Variants in PRKD1 observed in about 807,000 individuals in gnomAD.
The protein encoded by PRKD1 is serine/threonine-protein kinase D1.
A neutral mutation model predicts 95.9 loss-of-function variants in PRKD1; 63 were observed. The observed-to-expected ratio is 0.66, with a 90% CI of 0.54 to 0.81. The LOEUF (loss-of-function observed/expected upper bound fraction) is 0.81, where lower values mean the gene tolerates loss of function less well. Ranked by LOEUF, PRKD1 falls within the 30% of genes least tolerant of loss-of-function variation. The pLI is 0.00. For missense variants in PRKD1, 1,048 were observed against 1,165.3 expected, an observed-to-expected ratio of 0.90 and a Z score of 1.47; for synonymous variants, 425 against 423.1, an observed-to-expected ratio of 1.00 and a Z score of -0.05.
In PRKD1 at chr14:29,814,970, C is replaced by T. The variant is rs147906358; in HGVS notation, c.265-89296G>A. Among the ~76,000 whole-genome samples, 418 of 152,220 alleles carry T rather than the reference C, an allele frequency of 2.7e-3. 2 individuals are homozygous for T. The highest frequency in any genetic ancestry group is 0.014 in the Middle Eastern group (4 of 294). On this transcript the variant is annotated intron_variant, in intron 1 of 17. Transcript: ENST00000331968. ...GTCTAAAGGAAGATGACAGAATGCACGTATTAACATAGATGAACAAACCCA... is the reference window on the plus strand; with the variant it reads ...GTCTAAAGGAAGATGACAGAATGCATGTATTAACATAGATGAACAAACCCA...
chr14:29,760,685 G>A (rs1887938000), intron 1 of PRKD1, among the ~76,000 whole-genome samples: 2 of 152,082 alleles, frequency 1.3e-5, no homozygotes, highest in East Asian at 2.0e-4. Context: ...CAGTTAAAAT[G>A]CATATTAATG....
At chr14:29,741,591 T>C (rs45556532) in intron 1 of PRKD1, among the ~76,000 whole-genome samples, 5 of 152,226 alleles carry the variant, frequency 3.3e-5, no homozygotes, top group East Asian at 1.9e-4. Context: ...CACTCTGTTC[T>C]AGTTAAAAAA....
chr14:29,704,615 T>C (rs1470433292), intron 2 of PRKD1, among the ~76,000 whole-genome samples: 1 of 152,032 alleles, frequency 6.6e-6, no homozygotes, highest in Non-Finnish European at 1.5e-5. Flanking sequence ...CCAATTTCAA[T>C]GTTGTTTCAA....
At chr14:29,824,783 C>A (rs1891045749) in intron 1 of PRKD1, among the ~76,000 whole-genome samples, 1 of 152,160 alleles carries the variant, frequency 6.6e-6, no homozygotes, top group Middle Eastern at 3.4e-3. Flanking sequence ...GTTATGAAAT[C>A]GGCCATATGA....
chr14:29,744,308 C>T (rs2139441246), intron 1 of PRKD1, among the ~76,000 whole-genome samples: 1 of 152,308 alleles, frequency 6.6e-6, no homozygotes, highest in East Asian at 1.9e-4. Context: ...GTTAGAAACC[C>T]TGGATTTATC....
chr14:29,676,192 T>TTTTTTTTTTTTTTTTTTTTTTTTTTTTG (rs1566532348), intron 2 of PRKD1, among the ~76,000 whole-genome samples: 2 of 128,560 alleles, frequency 1.6e-5, no homozygotes, highest in Admixed American at 8.1e-5. Context: ...TGTTTTTTTT[T>TTTTTTTTTTTTTTTTTTTTTTTTTTTTG]TTTTTTTTTT....
chr14:29,853,844 T>A (rs1197358096), intron 1 of PRKD1, among the ~76,000 whole-genome samples: 2 of 152,104 alleles, frequency 1.3e-5, no homozygotes, highest in African/African-American at 2.4e-5. Flanking sequence ...ATGGGTCTCA[T>A]GAGATCTGAT....
At chr14:29,658,138 C>A (rs1025805249) in intron 4 of PRKD1, among the ~76,000 whole-genome samples, 2 of 152,032 alleles carry the variant, frequency 1.3e-5, no homozygotes, top group African/African-American at 2.4e-5. Flanking sequence ...TATCTGATAC[C>A]CAAAGTGTAT....
intron 1 of PRKD1, among the ~76,000 whole-genome samples, chr14:29,726,864 C>T (rs942801947): frequency 8.0e-5 from 12 of 150,812 alleles, no homozygotes; most frequent in Admixed American, 2.6e-4. Flanking sequence ...AAACTTAGTT[C>T]ACTTTATTTT....
intron 1 of PRKD1, among the ~76,000 whole-genome samples, chr14:29,925,565 C>A (rs1352345348): frequency 6.6e-6 from 1 of 152,142 alleles, no homozygotes. Context: ...ACCTGGAATT[C>A]ACCCTCCATT....
chr14:29,733,395 C>T (rs899029346), intron 1 of PRKD1, among the ~76,000 whole-genome samples: 4 of 152,222 alleles, frequency 2.6e-5, no homozygotes, highest in South Asian at 2.1e-4. Flanking sequence ...CTACCGTGCC[C>T]GGCCAGTTCA....
At chr14:29,611,348 CAAACAATA>C (rs1186973230) in intron 13 of PRKD1, among the ~76,000 whole-genome samples, 1 of 152,034 alleles carries the variant, frequency 6.6e-6, no homozygotes, top group African/African-American at 2.4e-5. Flanking sequence ...TTAAATAAAA[CAAACAATA>C]AAACCTCAAC....
chr14:29,675,257 T>C lies in PRKD1; in HGVS notation c.404-9049A>G, dbSNP rs114632071. ...AAAAATCTGATTTTCTGCTTTTCCA[T>C]CAGGTTTATTGAGATAATAACTTAT... On this transcript the variant is annotated intron_variant, in intron 2 of 17. Transcript: ENST00000331968. Among the ~76,000 whole-genome samples, 544 of 152,322 alleles carry C rather than the reference T, an allele frequency of 3.6e-3. 3 individuals are homozygous for C. Among genetic ancestry groups the C allele is most frequent in the African/African-American group, 0.012 (512 of 41,562 alleles).
rs536526294 is a variant in PRKD1 at position 29,792,663 on chromosome 14, A to T, written c.265-66989T>A. ...GACAGCGGCAGTCAGGAAAATTTCT[A>T]AAATGTCTTAAGTGCCAAGACATGG... is the stretch of plus-strand genomic sequence containing the variant. On this transcript the variant is annotated intron_variant, in intron 1 of 17. Coordinates refer to ENST00000331968, the MANE Select transcript of PRKD1 (RefSeq NM_002742.3). Among the ~76,000 whole-genome samples, 685 of 152,194 alleles carry T rather than the reference A, an allele frequency of 4.5e-3. 3 individuals are homozygous for T. The highest frequency in any genetic ancestry group is 7.1e-3 in the Non-Finnish European group (479 of 67,930).
chr14:29,864,370 C>A (rs1892812708), intron 1 of PRKD1, among the ~76,000 whole-genome samples: 1 of 152,060 alleles, frequency 6.6e-6, no homozygotes, highest in Non-Finnish European at 1.5e-5. Context: ...TAATCCAGTT[C>A]TCTCTTTTTA....
chr14:29,623,807 T>C (rs2333613), intron 13 of PRKD1, among the ~76,000 whole-genome samples: 65,099 of 152,012 alleles, frequency 0.43, 14,437 homozygotes, highest in African/African-American at 0.53. Flanking sequence ...ATTCATGTTA[T>C]TATCACAGCA....
chr14:29,589,203 G>A (rs60780587), intron 16 of PRKD1, among the ~76,000 whole-genome samples: 1,841 of 152,210 alleles, frequency 0.012, 31 homozygotes, highest in African/African-American at 0.041. Flanking sequence ...ATTTGATAAT[G>A]GAAATGTACT....
chr14:29,843,549 T>C (rs1891953964), intron 1 of PRKD1, among the ~76,000 whole-genome samples: 1 of 152,136 alleles, frequency 6.6e-6, no homozygotes, highest in East Asian at 1.9e-4. Flanking sequence ...AAACCACCAA[T>C]GGAGAGAAAA....
At chr14:29,816,677 T>C (rs185509388) in intron 1 of PRKD1, among the ~76,000 whole-genome samples, 39 of 152,334 alleles carry the variant, frequency 2.6e-4, no homozygotes, top group Non-Finnish European at 1.2e-4. Flanking sequence ...ACATTTACTC[T>C]GACTTTGCAC....
Sources: gnomAD v4.1 joint callset for allele counts (sites outside exome capture counted in the v4.1 genomes callset) on GRCh38, gnomAD v4.1.1 for gene constraint, MANE v1.5 for transcripts, NCBI Gene and HGNC (gene_info 2026-07-23, HGNC 2026-07-21) for gene names.